Variants in NRXN1 observed in about 807,000 individuals in gnomAD.
NRXN1 encodes the protein neurexin-1.
A neutral mutation model predicts 150.9 loss-of-function variants in NRXN1; 39 were observed. The ratio of observed to expected loss-of-function variants is 0.26; its 90% CI spans 0.20 to 0.34. NRXN1 has a LOEUF of 0.34. NRXN1 is among the 10% of genes least tolerant of loss of function. NRXN1 has a pLI of 1.00. For synonymous variants in NRXN1, 924 were observed against 757.0 expected, an observed-to-expected ratio of 1.22 and a Z score of -3.62; for missense variants, 1,815 against 1,949.9, an observed-to-expected ratio of 0.93 and a Z score of 1.30.
intron 17 of NRXN1, among the ~76,000 whole-genome samples, chr2:50,360,914 T>C (rs571704876): frequency 6.6e-6 from 1 of 152,214 alleles, no homozygotes; most frequent in Admixed American, 6.5e-5. Flanking sequence ...ACAAACAGTC[T>C]CTCAGACCAC....
At chr2:50,551,434 T>A (rs1321491055) in intron 9 of NRXN1, 1 of 152,210 alleles carries the variant, frequency 6.6e-6, no homozygotes, top group Non-Finnish European at 1.5e-5. Context: ...TAGAAAATAG[T>A]TCAGCTGGGA....
At chr2:50,610,451 T>A (rs1222244158) in intron 8 of NRXN1, among the ~76,000 whole-genome samples, 3 of 151,208 alleles carry the variant, frequency 2.0e-5, no homozygotes, top group African/African-American at 7.3e-5. Flanking sequence ...TTATTACTAA[T>A]GTCCTCTGCA....
rs151317669 is a variant in NRXN1 at position 51,021,004 on chromosome 2, T to C, written c.772+6498A>G. 1.2e-4 allele frequency among the ~76,000 whole-genome samples: 18 copies of C among 151,990 alleles called. No individual in the cohort carries two copies. The East Asian group carries it at 3.5e-3, about 29-fold the overall frequency. On this transcript the variant is annotated intron_variant, in intron 2 of 22. Transcript: ENST00000401669. ...AAAGCTAATTAGAACATTTTAAGAT[T>C]TACGTATTCAGCAAAGGCCGTGTAA...
chr2:50,030,554 C>G (rs1365173511), intron 21 of NRXN1, among the ~76,000 whole-genome samples: 1 of 152,134 alleles, frequency 6.6e-6, no homozygotes, highest in African/African-American at 2.4e-5. Flanking sequence ...TAAAAACTGT[C>G]CAACACTTTG....
chr2:50,722,897 T>G (rs952507233), intron 5 of NRXN1, among the ~76,000 whole-genome samples: 1 of 152,160 alleles, frequency 6.6e-6, no homozygotes, highest in Non-Finnish European at 1.5e-5. Flanking sequence ...TGTTCTGATA[T>G]CATGCCAGAT....
chr2:50,000,312 C>T (rs1451002821), intron 21 of NRXN1, among the ~76,000 whole-genome samples: 1 of 152,122 alleles, frequency 6.6e-6, no homozygotes, highest in Non-Finnish European at 1.5e-5. Flanking sequence ...CCCCAATTTC[C>T]ATTAAACATT....
chr2:50,253,528 G>T (rs573835699), intron 17 of NRXN1, among the ~76,000 whole-genome samples: 1 of 152,174 alleles, frequency 6.6e-6, no homozygotes, highest in South Asian at 2.1e-4. Context: ...TTCCCATTCT[G>T]TATAAGATTT....
chr2:49,975,749 C>T (rs1378192544), intron 21 of NRXN1, among the ~76,000 whole-genome samples: 1 of 152,066 alleles, frequency 6.6e-6, no homozygotes, highest in Admixed American at 6.6e-5. Flanking sequence ...CAACACTAAA[C>T]CTATTCATTA....
intron 2 of NRXN1, among the ~76,000 whole-genome samples, chr2:50,930,264 TC>T (rs1420207763): frequency 1.3e-5 from 2 of 152,074 alleles, no homozygotes; most frequent in Non-Finnish European, 2.9e-5. Flanking sequence ...ACACAGATGT[TC>T]CTGGCATCAC....
At chr2:50,509,726 C>G (rs1299956882) in intron 12 of NRXN1, among the ~76,000 whole-genome samples, 1 of 152,180 alleles carries the variant, frequency 6.6e-6, no homozygotes, top group African/African-American at 2.4e-5. Flanking sequence ...AATGACCTTT[C>G]AGGATTTCCT....
chr2:50,583,509 C>T (rs1672617359), intron 8 of NRXN1, among the ~76,000 whole-genome samples: 2 of 152,160 alleles, frequency 1.3e-5, no homozygotes. Flanking sequence ...CTGCCAGTTT[C>T]CACAAGGAAT....
chr2:50,537,822 T>G (rs2093298985), intron 10 of NRXN1, among the ~76,000 whole-genome samples: 1 of 152,228 alleles, frequency 6.6e-6, no homozygotes, highest in Admixed American at 6.5e-5. Flanking sequence ...CCCAGTTGTG[T>G]CAGGGAAGTT....
chr2:50,427,772 C>T (rs913631536), intron 17 of NRXN1, among the ~76,000 whole-genome samples: 1 of 152,202 alleles, frequency 6.6e-6, no homozygotes, highest in Admixed American at 6.5e-5. Flanking sequence ...AATAACAAGA[C>T]CTAAAAGTAA....
chr2:50,121,740 T>G (rs1347320038), intron 18 of NRXN1, among the ~76,000 whole-genome samples: 19 of 152,176 alleles, frequency 1.2e-4, no homozygotes, highest in Admixed American at 1.2e-3. Context: ...CATCCTAGTA[T>G]TTTGTTATTG....
intron 5 of NRXN1, among the ~76,000 whole-genome samples, chr2:50,883,421 CTTT>C (rs11388531): frequency 5.6e-5 from 8 of 143,988 alleles, no homozygotes; most frequent in Non-Finnish European, 7.6e-5. Context: ...ACATTTACAT[CTTT>C]TTTTTTTTTT....
chr2:50,886,309 T>C (rs1325225220), intron 5 of NRXN1, among the ~76,000 whole-genome samples: 1 of 151,434 alleles, frequency 6.6e-6, no homozygotes, highest in African/African-American at 2.4e-5. Context: ...TCAACATATA[T>C]TGTCAAATTT....
At chr2:50,075,454 A>G (rs1207977579) in intron 19 of NRXN1, among the ~76,000 whole-genome samples, 1 of 152,214 alleles carries the variant, frequency 6.6e-6, no homozygotes, top group Non-Finnish European at 1.5e-5. Context: ...AAATGCCTCA[A>G]CAGGAATAAA....
chr2:50,015,554 T>C (rs1458268317), intron 21 of NRXN1, among the ~76,000 whole-genome samples: 1 of 146,946 alleles, frequency 6.8e-6, no homozygotes, highest in Non-Finnish European at 1.5e-5. Flanking sequence ...AGACCTGGGC[T>C]TGGGAGGAGG....
At chr2:50,147,474 A>G (rs2058412916) in intron 18 of NRXN1, among the ~76,000 whole-genome samples, 1 of 151,780 alleles carries the variant, frequency 6.6e-6, no homozygotes. Context: ...TCCACCTCTG[A>G]ACACTTGCAT....
Sources: gnomAD v4.1 joint callset for allele counts (sites outside exome capture counted in the v4.1 genomes callset) on GRCh38, gnomAD v4.1.1 for gene constraint, MANE v1.5 for transcripts, NCBI Gene and HGNC (gene_info 2026-07-23, HGNC 2026-07-21) for gene names.